Variants in DGKB observed in about 807,000 individuals in gnomAD.
DGKB encodes diacylglycerol kinase beta.
In DGKB, 67 loss-of-function variants were observed where a neutral mutation model predicts 114.3. The observed-to-expected ratio is 0.59, with a 90% CI of 0.48 to 0.72. The LOEUF is 0.72. Among genes scored for constraint, DGKB ranks in the 30% least tolerant of loss-of-function variants. The probability of loss-of-function intolerance (pLI) is 0.00; values close to 1 mark genes in which losing one functional copy is unlikely to be tolerated. For synonymous variants in DGKB, 398 were observed against 323.1 expected, an observed-to-expected ratio of 1.23 and a Z score of -2.49; for missense variants, 907 against 975.2, an observed-to-expected ratio of 0.93 and a Z score of 0.93.
At chr7:14,577,649 T>G (rs552667931) in intron 19 of DGKB, among the ~76,000 whole-genome samples, 4 of 152,260 alleles carry the variant, frequency 2.6e-5, no homozygotes, top group African/African-American at 9.6e-5. Flanking sequence ...TTACAACTAT[T>G]ACTTGCCTCC....
intron 23 of DGKB, among the ~76,000 whole-genome samples, chr7:14,328,857 C>A (rs1462316004): frequency 6.6e-6 from 1 of 151,930 alleles, no homozygotes; most frequent in East Asian, 1.9e-4. Context: ...TGATTAATAT[C>A]TGATACTGTA....
chr7:14,321,050 G>T (rs916769907), intron 23 of DGKB, among the ~76,000 whole-genome samples: 1 of 152,120 alleles, frequency 6.6e-6, no homozygotes, highest in African/African-American at 2.4e-5. Flanking sequence ...CAGCACTTTG[G>T]GAGGATGAGG....
chr7:14,857,248 C>CTGTGTTTGTGTGTGTGTGTGTG (rs1850291434), intron 1 of DGKB, among the ~76,000 whole-genome samples: 1 of 23,538 alleles, frequency 4.2e-5, no homozygotes, highest in African/African-American at 3.6e-4. Flanking sequence ...CAACCCCCTG[C>CTGTGTTTGTGTGTGTGTGTGTG]TGTGTGTGTT....
intron 20 of DGKB, among the ~76,000 whole-genome samples, chr7:14,547,768 A>T (rs1794519358): frequency 4.6e-5 from 7 of 152,284 alleles, no homozygotes; most frequent in Middle Eastern, 3.4e-3. Flanking sequence ...AGGTAAGATT[A>T]AATTAGCTAT....
intron 21 of DGKB, among the ~76,000 whole-genome samples, chr7:14,355,040 C>G (rs1372671416): frequency 2.0e-5 from 3 of 152,138 alleles, no homozygotes. Context: ...CTGGATTATA[C>G]TAGTTGACTA....
intron 23 of DGKB, among the ~76,000 whole-genome samples, chr7:14,310,689 T>A (rs1304129744): frequency 6.6e-6 from 1 of 152,180 alleles, no homozygotes; most frequent in Non-Finnish European, 1.5e-5. Flanking sequence ...AACAGATCTT[T>A]CAGGGAAAGA....
At chr7:14,171,370 G>A (rs1000958358) in intron 25 of DGKB, among the ~76,000 whole-genome samples, 16 of 152,000 alleles carry the variant, frequency 1.1e-4, no homozygotes, top group African/African-American at 3.6e-4. Flanking sequence ...GTTTTTTTCT[G>A]TCTTCATCAT....
At chr7:14,205,002 T>A (rs892212471) in intron 23 of DGKB, among the ~76,000 whole-genome samples, 1 of 152,046 alleles carries the variant, frequency 6.6e-6, no homozygotes, top group Admixed American at 6.6e-5. Context: ...CTTAATCAAC[T>A]TCATTCTTCC....
At chr7:14,175,764 T>C (rs747215015) in intron 25 of DGKB, among the ~76,000 whole-genome samples, 6 of 152,098 alleles carry the variant, frequency 3.9e-5, no homozygotes, top group Non-Finnish European at 7.4e-5. Context: ...CTCTTACCAT[T>C]CTCCCCTAAT....
chr7:14,307,187 T>C (rs1804625889), intron 23 of DGKB, among the ~76,000 whole-genome samples: 1 of 152,202 alleles, frequency 6.6e-6, no homozygotes, highest in Non-Finnish European at 1.5e-5. Context: ...TTACATTTAA[T>C]TGTGTCTGGA....
chr7:14,392,615 G>A (rs1241870331), intron 21 of DGKB, among the ~76,000 whole-genome samples: 1 of 152,100 alleles, frequency 6.6e-6, no homozygotes, highest in African/African-American at 2.4e-5. Flanking sequence ...GTCTTACCAG[G>A]GCATGCAGTG....
intron 21 of DGKB, among the ~76,000 whole-genome samples, chr7:14,463,507 G>A (rs1833394320): frequency 1.3e-5 from 2 of 152,066 alleles, no homozygotes; most frequent in Admixed American, 1.3e-4. Flanking sequence ...TGCATCCTCT[G>A]TGTATGATAC....
intron 23 of DGKB, among the ~76,000 whole-genome samples, chr7:14,323,952 C>T (rs998019684): frequency 6.6e-6 from 1 of 152,116 alleles, no homozygotes; most frequent in Non-Finnish European, 1.5e-5. Flanking sequence ...AGTTCAAGAA[C>T]TGAATTCCAT....
intron 20 of DGKB, among the ~76,000 whole-genome samples, chr7:14,509,371 A>G (rs1787623522): frequency 6.6e-6 from 1 of 152,112 alleles, no homozygotes; most frequent in South Asian, 2.1e-4. Context: ...CCCGGAGAGA[A>G]TAACCACTCA....
intron 25 of DGKB, among the ~76,000 whole-genome samples, chr7:14,160,955 A>G (rs1295609356): frequency 1.3e-5 from 2 of 152,128 alleles, no homozygotes; most frequent in Non-Finnish European, 2.9e-5. Flanking sequence ...GAACTTAAAC[A>G]AATCTACAAG....
intron 25 of DGKB, among the ~76,000 whole-genome samples, chr7:14,154,164 G>A (rs1280003667): frequency 7.2e-6 from 1 of 139,094 alleles, no homozygotes; most frequent in African/African-American, 2.7e-5. Context: ...AAATTGATAT[G>A]GTAGAGTTTT....
intron 23 of DGKB, among the ~76,000 whole-genome samples, chr7:14,323,864 T>C (rs576539400): frequency 7.9e-5 from 12 of 152,302 alleles, no homozygotes; most frequent in African/African-American, 2.9e-4. Context: ...ACATGAAACA[T>C]TGTAAAATGG....
intron 20 of DGKB, among the ~76,000 whole-genome samples, chr7:14,509,727 T>C (rs993518770): frequency 4.6e-5 from 7 of 152,230 alleles, no homozygotes; most frequent in African/African-American, 1.4e-4. Context: ...TCTGGTCCCC[T>C]GGACCCGCCT....
intron 20 of DGKB, among the ~76,000 whole-genome samples, chr7:14,481,037 T>C (rs1782911759): frequency 6.6e-6 from 1 of 152,020 alleles, no homozygotes; most frequent in Non-Finnish European, 1.5e-5. Context: ...ATCTAAGAAA[T>C]GAAAATAAGT....
Sources: allele counts gnomAD v4.1 joint callset (sites outside exome capture counted in the v4.1 genomes callset), GRCh38; gene constraint gnomAD v4.1.1; transcripts MANE v1.5; gene names NCBI Gene and HGNC (gene_info 2026-07-23, HGNC 2026-07-21).